UBE2E1: variants seen among roughly 807,000 people sequenced by gnomAD.
UBE2E1 encodes ubiquitin conjugating enzyme E2 E1.
Under a neutral mutation model 21.4 loss-of-function variants are expected in UBE2E1, and 6 were observed. The observed-to-expected ratio is 0.28, with a 90% CI of 0.15 to 0.55. The LOEUF is 0.55. Ranked by LOEUF, UBE2E1 falls within the 20% of genes least tolerant of loss-of-function variation. UBE2E1 has a pLI of 0.93. For missense variants in UBE2E1, 142 were observed against 236.5 expected, an observed-to-expected ratio of 0.60 and a Z score of 2.62; for synonymous variants, 87 against 82.7, an observed-to-expected ratio of 1.05 and a Z score of -0.28.
At chr3:23,833,836 A>C (rs541809628) in intron 3 of UBE2E1, among the ~76,000 whole-genome samples, 1 of 152,178 alleles carries the variant, frequency 6.6e-6, no homozygotes, top group Non-Finnish European at 1.5e-5. Context: ...ATCTCTACAG[A>C]AAATTTAGGA....
At chr3:23,807,911 A>T (rs1699311883) in intron 2 of UBE2E1, 2 of 152,364 alleles carry the variant, frequency 1.3e-5, no homozygotes, top group Non-Finnish European at 2.9e-5. Context: ...AGCAGGTACA[A>T]AATTTAGTAG....
At chr3:23,837,056 G>A (rs1316867766) in intron 3 of UBE2E1, among the ~76,000 whole-genome samples, 2 of 152,052 alleles carry the variant, frequency 1.3e-5, no homozygotes. Flanking sequence ...TGTAATTTGG[G>A]GAAGGAACAT....
chr3:23,826,721 C>G (rs1699767275), intron 3 of UBE2E1, among the ~76,000 whole-genome samples: 2 of 152,040 alleles, frequency 1.3e-5, no homozygotes, highest in African/African-American at 2.4e-5. Context: ...GTCATTTTTT[C>G]ATAGTTTTTT....
In UBE2E1 at chr3:23,808,817, G is replaced by GCC. The variant is rs1559472867; in HGVS notation, c.152+1399_152+1400dup. 6.6e-6 allele frequency: 1 copy of GCC among 152,032 alleles called. No individual in the cohort carries two copies. Among genetic ancestry groups the GCC allele is most frequent in the Non-Finnish European group, 1.5e-5 (1 of 68,048 alleles). 9.4% of individuals were successfully genotyped at this position (152,032 alleles called of 1,614,324 possible). ...GGGACGGGCCCTTCCTTAATACTGC[G>GCC]CCCCACCTCAATCCTCTAGGCTCTC... is the stretch of plus-strand genomic sequence containing the variant. On this transcript the variant is annotated intron_variant, in intron 2 of 5. Coordinates refer to ENST00000306627, the MANE Select transcript of UBE2E1 (RefSeq NM_003341.5). The surrounding 1 kb of genome is among the most constrained non-coding windows in gnomAD (Gnocchi z 4.9).
Position 23,842,198 on chromosome 3 carries a change from G to GTGTGTGTGTGTGTGTGTGTGTGTGT in UBE2E1, c.203+30688_203+30689insTGTGTGTGTGTGTGTGTGTGTGTGT, listed in dbSNP as rs1553637705. On this transcript the variant is annotated intron_variant, in intron 3 of 5. Coordinates refer to ENST00000306627, the MANE Select transcript of UBE2E1 (RefSeq NM_003341.5). The surrounding 1 kb of genome is among the most constrained non-coding windows in gnomAD (Gnocchi z 4.6). The stretch of plus-strand genomic sequence containing the variant: ...TATGTCATGACCCAGTAAGTGAAGG[G>GTGTGTGTGTGTGTGTGTGTGTGTGT]GTGTGTGTGTGTGTGTGTGTGTGTG... Among the ~76,000 whole-genome samples, 4 of 104,284 alleles carry GTGTGTGTGTGTGTGTGTGTGTGTGT rather than the reference G, an allele frequency of 3.8e-5. No individual in the cohort carries two copies. Among genetic ancestry groups the GTGTGTGTGTGTGTGTGTGTGTGTGT allele is most frequent in the Non-Finnish European group, 5.9e-5 (3 of 50,894 alleles). The allele number at this position is 104,284 out of a possible 152,430, so 68.4% of individuals were successfully genotyped here.
rs144520477 is a variant in UBE2E1, at chr3:23,868,386, G to T, written c.204-19181G>T. Among the ~76,000 whole-genome samples, 598 of 152,104 alleles carry T rather than the reference G, an allele frequency of 3.9e-3. 5 individuals are homozygous for T. Among genetic ancestry groups the T allele is most frequent in the African/African-American group, 0.013 (535 of 41,496 alleles). ...GTGCAGTGACACGATCTCACTCACT[G>T]CAACCCCCACCTCCTGGGTTCAAGC... On this transcript the variant is annotated intron_variant, in intron 3 of 5. Coordinates refer to ENST00000306627, the MANE Select transcript of UBE2E1 (RefSeq NM_003341.5).
At position 23,870,264 on chromosome 3, in the gene UBE2E1, C is replaced by T. The variant is rs755275589; in HGVS notation, c.204-17303C>T. On this transcript the variant is annotated intron_variant, in intron 3 of 5. Transcript: ENST00000306627. The surrounding 1 kb of genome is among the most constrained non-coding windows in gnomAD (Gnocchi z 4.2). Reference sequence around the variant, plus strand: ...ACAGCTGCAGGATGAGATGGGGGGCCGGGGGGACCATAGCTCCTTTTTTTA... The same window carrying T: ...ACAGCTGCAGGATGAGATGGGGGGCTGGGGGGACCATAGCTCCTTTTTTTA... 6.6e-6 allele frequency among the ~76,000 whole-genome samples: 1 copy of T among 151,812 alleles called. No individual in the cohort carries two copies. The highest frequency in any genetic ancestry group is 2.4e-5 in the African/African-American group (1 of 41,300).
At chr3:23,869,419 CTGTGTGTGTGTG>C (rs4024641) in intron 3 of UBE2E1, among the ~76,000 whole-genome samples, 1 of 132,528 alleles carries the variant, frequency 7.5e-6, no homozygotes, top group Non-Finnish European at 1.5e-5. Flanking sequence ...TGGTCTTTTC[CTGTGTGTGTGTG>C]TGTGTGTGTG....
In UBE2E1 at chr3:23,807,287, G is replaced by C. The variant is rs140553923; in HGVS notation, c.18G>C (p.Ser6=). ...GGTTCGCTATGTCGGATGACGATTC[G>C]AGGGCCAGCACCAGCTCCTCCTCAT... The part of the protein sequence containing the change: MSDDD[S]RASTSSSSSS... Residue 6 remains serine (S), a synonymous_variant, in exon 2 of 6, where the codon TCG becomes TCC. Coordinates refer to ENST00000306627, the MANE Select transcript of UBE2E1 (RefSeq NM_003341.5). The C allele has an allele frequency of 1.2e-6, 2 of 1,613,006 alleles. No homozygotes were observed. Among genetic ancestry groups the C allele is most frequent in the East Asian group, 4.5e-5 (2 of 44,844 alleles).
chr3:23,826,041 A>G (rs190446398), intron 3 of UBE2E1, among the ~76,000 whole-genome samples: 24 of 152,326 alleles, frequency 1.6e-4, no homozygotes, highest in Admixed American at 3.3e-4. Flanking sequence ...CAACATAGTG[A>G]GATCCTCATT....
rs1699357653 is a variant in UBE2E1, at chr3:23,810,349, G to C, written c.153-1111G>C. ...AGCAAAAGACAAAGGCCAGGGCTTG[G>C]TGTGAACTGCCTGGTGGCTTCGGCC... On this transcript the variant is annotated intron_variant, in intron 2 of 5. Transcript: ENST00000306627. The surrounding 1 kb of genome is among the most constrained non-coding windows in gnomAD (Gnocchi z 5.8). The C allele has an allele frequency of 4.6e-6, 6 of 1,316,516 alleles. No homozygotes were observed. The highest frequency in any genetic ancestry group is 5.3e-6 in the Non-Finnish European group (5 of 949,760). 81.6% of individuals were successfully genotyped at this position (1,316,516 alleles called of 1,614,324 possible).
At chr3:23,855,703 G>A (rs1395174039) in intron 3 of UBE2E1, among the ~76,000 whole-genome samples, 2 of 151,938 alleles carry the variant, frequency 1.3e-5, no homozygotes, top group Non-Finnish European at 1.5e-5. Context: ...GGTGGTGGGC[G>A]CCTGTAGTCC....
At position 23,873,741 on chromosome 3, in the gene UBE2E1, G is replaced by A. The variant is rs563964514; in HGVS notation, c.204-13826G>A. Reference sequence around the variant, plus strand: ...AGCCTGGGCGACAGAGCGAGACTCCGTCTCAAGAAAAAAAAATAAGAGACC... The same window carrying A: ...AGCCTGGGCGACAGAGCGAGACTCCATCTCAAGAAAAAAAAATAAGAGACC... On this transcript the variant is annotated intron_variant, in intron 3 of 5. Coordinates refer to ENST00000306627, the MANE Select transcript of UBE2E1 (RefSeq NM_003341.5). Among the ~76,000 whole-genome samples, 11 of 152,212 alleles carry A rather than the reference G, an allele frequency of 7.2e-5. No individual in the cohort carries two copies. In the South Asian group the frequency reaches 1.9e-3, roughly 26 times the overall value.
chr3:23,862,356 G>GA (rs1380061264), intron 3 of UBE2E1, among the ~76,000 whole-genome samples: 10 of 152,124 alleles, frequency 6.6e-5, no homozygotes, highest in Admixed American at 4.6e-4. Context: ...CCTTTCCCCT[G>GA]AAAAAAACGT....
intron 3 of UBE2E1, among the ~76,000 whole-genome samples, chr3:23,850,472 TG>T (rs754222431): frequency 3.3e-5 from 5 of 151,812 alleles, no homozygotes. Flanking sequence ...TTGTTGCATG[TG>T]TTTTGGAATT....
rs1362522746 is a variant in UBE2E1, at chr3:23,891,504, T to C, written c.*898T>C. On this transcript the variant is annotated 3_prime_UTR_variant, in exon 6 of 6. Transcript: ENST00000306627. ...AGGTATCCTAGAAAAGGTTAAATAA[T>C]CTACCCCATTTAGGCTTCAAAGACG... 6.6e-6 allele frequency among the ~76,000 whole-genome samples: 1 copy of C among 152,234 alleles called. No individual in the cohort carries two copies. The highest frequency in any genetic ancestry group is 1.5e-5 in the Non-Finnish European group (1 of 68,040).
chr3:23,874,918 CCT>C (rs899636615), intron 3 of UBE2E1, among the ~76,000 whole-genome samples: 6 of 152,144 alleles, frequency 3.9e-5, no homozygotes, highest in Non-Finnish European at 8.8e-5. Context: ...CCACGACTAC[CCT>C]GACAGGCCAG....
chr3:23,857,038 C>T (rs368672345), intron 3 of UBE2E1, among the ~76,000 whole-genome samples: 1 of 149,182 alleles, frequency 6.7e-6, no homozygotes, highest in Non-Finnish European at 1.5e-5. Flanking sequence ...ATGAGAAATG[C>T]CATTTAATTT....
At chr3:23,873,405 C>G (rs1186008181) in intron 3 of UBE2E1, among the ~76,000 whole-genome samples, 2 of 151,202 alleles carry the variant, frequency 1.3e-5, no homozygotes, top group Non-Finnish European at 2.9e-5. Context: ...GACCCCATGG[C>G]CCTGGGAGGG....
Sources: allele counts gnomAD v4.1 joint callset (sites outside exome capture counted in the v4.1 genomes callset), GRCh38; gene constraint gnomAD v4.1.1; non-coding constraint Gnocchi (gnomAD v3.1); transcripts MANE v1.5; gene names NCBI Gene and HGNC (gene_info 2026-07-23, HGNC 2026-07-21).